HERC2: variants seen among roughly 807,000 people sequenced by gnomAD.
HERC2 encodes the protein E3 ubiquitin-protein ligase HERC2.
In HERC2, 102 loss-of-function variants were observed where a neutral mutation model predicts 537.7. The ratio of observed to expected loss-of-function variants is 0.19; its 90% CI spans 0.16 to 0.22. The LOEUF is 0.22. HERC2 is among the 10% of genes least tolerant of loss of function. The pLI is 1.00. For missense variants in HERC2, 4,236 were observed against 6,198.2 expected, an observed-to-expected ratio of 0.68 and a Z score of 10.63; for synonymous variants, 2,224 against 2,466.2, an observed-to-expected ratio of 0.90 and a Z score of 2.91.
chr15:28,130,066 C>T (rs1403180983), intron 83 of HERC2, 97 bp downstream of exon 83: 4 of 1,481,610 alleles, frequency 2.7e-6, no homozygotes, highest in Admixed American at 1.8e-5. Flanking sequence ...AGCCACCACA[C>T]CTGGCCTGTG....
In HERC2 at chr15:28,191,590, G is replaced by A. The variant is rs59214152; in HGVS notation, c.8452-346C>T. Among the ~76,000 whole-genome samples, 66 of 152,262 alleles carry A rather than the reference G, an allele frequency of 4.3e-4. 1 individual carries two copies. The East Asian group carries it at 0.011, about 25-fold the overall frequency. On this transcript the variant is annotated intron_variant, in intron 53 of 92. Coordinates refer to ENST00000261609, the MANE Select transcript of HERC2 (RefSeq NM_004667.6). ...GTGTGCCCACGAGGTGCCTCCACGC[G>A]TTGGTGTAATCACAACAGCACTCCA...
In HERC2 at chr15:28,273,807, C is replaced by A. The variant is rs1413790920; in HGVS notation, c.800+484G>T. ...TAAAAACCTTAACAAAAATGCATAG[C>A]ACCCAAGACCAGAGTTCATGTTTTT... On this transcript the variant is annotated intron_variant, in intron 7 of 92. Transcript: ENST00000261609. Among the ~76,000 whole-genome samples, 3 of 152,216 alleles carry A rather than the reference C, an allele frequency of 2.0e-5. No individual in the cohort carries two copies. In the East Asian group the frequency reaches 5.8e-4, roughly 29 times the overall value.
chr15:28,238,417 T>C (rs1243737988), intron 24 of HERC2, among the ~76,000 whole-genome samples, 185 bp downstream of exon 24: 3 of 152,130 alleles, frequency 2.0e-5, no homozygotes, highest in Non-Finnish European at 2.9e-5. Flanking sequence ...AAACAAAAAA[T>C]GCATAATCAA....
At chr15:28,270,950 A>G in intron 9 of HERC2, 82 bp from the exon 10 acceptor site, 1 of 1,203,874 alleles carries the variant, frequency 8.3e-7, no homozygotes, top group Non-Finnish European at 1.2e-6. Context: ...CACGCTTTAT[A>G]TTTTGGTATT....
chr15:28,254,652 C>T (rs1338875827), intron 19 of HERC2, 134 bp from the exon 20 acceptor site: 19 of 569,310 alleles, frequency 3.3e-5, no homozygotes, highest in Non-Finnish European at 4.8e-5. Flanking sequence ...TACCCACAGG[C>T]CCCCATCTGC....
At chr15:28,168,951 C>G (rs1304882766) in intron 66 of HERC2, among the ~76,000 whole-genome samples, 1 of 152,188 alleles carries the variant, frequency 6.6e-6, no homozygotes, top group African/African-American at 2.4e-5. Flanking sequence ...TTACTGAAAG[C>G]CACATACTGA....
intron 21 of HERC2, 111 bp downstream of exon 21, chr15:28,248,441 T>C: frequency 2.8e-6 from 2 of 723,610 alleles, no homozygotes; most frequent in Non-Finnish European, 4.5e-6. Context: ...AATTGGTGCA[T>C]TTAGTAGTAT....
At position 28,272,989 on chromosome 15, in the gene HERC2, C is replaced by T. The variant is rs766763181; in HGVS notation, c.816G>A (p.Thr272=). 19 of 1,612,186 alleles carry T rather than the reference C, an allele frequency of 1.2e-5. No homozygotes were observed. The highest frequency in any genetic ancestry group is 4.0e-5 in the African/African-American group (3 of 74,890). Residue 272 remains threonine, a synonymous_variant, in exon 8 of 93, where the codon ACG becomes ACA. Coordinates refer to ENST00000261609, the MANE Select transcript of HERC2 (RefSeq NM_004667.6). ...RSVVTGDVHG[T]PATKGPGSIP... Reference sequence around the variant, plus strand: ...TGCTTCCTGGCCCTTTGGTGGCTGGCGTTCCGTGAACATCCCTGAAATGAA... The same window carrying T: ...TGCTTCCTGGCCCTTTGGTGGCTGGTGTTCCGTGAACATCCCTGAAATGAA...
rs1328382031 is a variant in HERC2 at position 28,298,240 on chromosome 15, A to T, written c.187+1162T>A. Among the ~76,000 whole-genome samples, 6 of 140,116 alleles carry T rather than the reference A, an allele frequency of 4.3e-5. No individual in the cohort carries two copies. In the Admixed American group the frequency reaches 4.4e-4, roughly 10 times the overall value. The allele number at this position is 140,116 out of a possible 152,430, so 91.9% of individuals were successfully genotyped here. On this transcript the variant is annotated intron_variant, in intron 3 of 92. Transcript: ENST00000261609. ...ACAATATCTGCTCACTGCAACCTCC[A>T]CCTCCCGGCTCCAAGCAATTCTCCT...
In HERC2 at chr15:28,277,727, A is replaced by C. The variant is rs545623699; in HGVS notation, c.542+2341T>G. On this transcript the variant is annotated intron_variant, in intron 5 of 92. Coordinates refer to ENST00000261609, the MANE Select transcript of HERC2 (RefSeq NM_004667.6). ...ATCACAGCCGGTTAGGAAGGAAGAA[A>C]GAACCATGGCACTCCTATTACCAAA... Among the ~76,000 whole-genome samples, 505 of 152,328 alleles carry C rather than the reference A, an allele frequency of 3.3e-3. 3 individuals carry two copies. The highest frequency in any genetic ancestry group is 0.011 in the African/African-American group (475 of 41,574).
At chr15:28,253,834 C>T (rs1198140943) in intron 20 of HERC2, among the ~76,000 whole-genome samples, 5 of 151,592 alleles carry the variant, frequency 3.3e-5, no homozygotes, top group South Asian at 2.1e-4. Context: ...TGGTTGCGGA[C>T]GCCTGTAGTC....
Position 28,117,138 on chromosome 15 carries a change from C to G in HERC2, c.13289G>C (p.Ser4430Thr). Residue 4430 changes from serine to threonine, a missense_variant, in exon 87 of 93, where the codon AGC (serine) becomes ACC (threonine). This residue lies in a region of HERC2 where 29 missense variants were observed against 102.1 expected (regional missense o/e 0.28). Coordinates refer to ENST00000261609, the MANE Select transcript of HERC2 (RefSeq NM_004667.6). ...LNRIQVKRSR[S>T]KGGLAGPDGT... is the part of the protein sequence containing the mutation. ...GTCGGGGCCGGCCAGCCCGCCTTTG[C>G]TCCTTGATCGTTTGACCTGGAGAGG... The G allele has an allele frequency of 6.2e-7, 1 of 1,613,974 alleles. No homozygotes were observed. The highest frequency in any genetic ancestry group is 8.5e-7 in the Non-Finnish European group (1 of 1,180,002).
chr15:28,220,453 A>C lies in HERC2; in HGVS notation c.5844T>G (p.Ser1948=). Residue 1948 remains serine (S), a splice_region_variant and synonymous_variant, in exon 37 of 93, where the codon TCT becomes TCG. Transcript: ENST00000261609. Reference sequence around the variant, plus strand: ...TAAACACCTTCCTGAGTCACCCACCAGAGTCATCCTCTGTGTCCGAATCCT... The same window carrying C: ...TAAACACCTTCCTGAGTCACCCACCCGAGTCATCCTCTGTGTCCGAATCCT... ...SAEDSDTEDD[S]EAEQTERNIH... 1 of 1,607,048 alleles carries C rather than the reference A, an allele frequency of 6.2e-7. No homozygotes were observed. Among genetic ancestry groups the C allele is most frequent in the Non-Finnish European group, 8.5e-7 (1 of 1,179,712 alleles).
At chr15:28,147,942 G>C (rs769456249) in intron 70 of HERC2, among the ~76,000 whole-genome samples, 1 of 151,802 alleles carries the variant, frequency 6.6e-6, no homozygotes, top group African/African-American at 2.4e-5. Flanking sequence ...GAGGCTGATG[G>C]GGAAGGACGG....
chr15:28,160,889 CATTATTTTAAAT>C (rs1270613445), intron 69 of HERC2, among the ~76,000 whole-genome samples: 1 of 152,194 alleles, frequency 6.6e-6, no homozygotes, highest in Non-Finnish European at 1.5e-5. Flanking sequence ...CCCCGCTCAG[CATTATTTTAAAT>C]CAAAGTTCTC....
intron 20 of HERC2, among the ~76,000 whole-genome samples, chr15:28,250,511 G>A (rs1185591196): frequency 6.6e-6 from 1 of 152,124 alleles, no homozygotes; most frequent in Admixed American, 6.5e-5. Flanking sequence ...AATTCTGATG[G>A]GGTTCACTAC....
intron 55 of HERC2, among the ~76,000 whole-genome samples, chr15:28,188,609 C>T (rs1269906686): frequency 6.6e-6 from 1 of 151,458 alleles, no homozygotes; most frequent in Non-Finnish European, 1.5e-5. Context: ...TTTTGTTAAG[C>T]CCTGTCAGAG....
At chr15:28,226,718 A>C (rs1205555445) in intron 35 of HERC2, among the ~76,000 whole-genome samples, 1 of 152,268 alleles carries the variant, frequency 6.6e-6, no homozygotes, top group African/African-American at 2.4e-5. Flanking sequence ...ACGATATCAA[A>C]AGCATAGACG....
rs111485817 is a variant in HERC2 at position 28,242,153 on chromosome 15, G to A, written c.3578-3381C>T. On this transcript the variant is annotated intron_variant, in intron 23 of 92. Transcript: ENST00000261609. The stretch of plus-strand genomic sequence containing the variant: ...ACAGAAAGTAGAATGGTAGTTGCCA[G>A]GTGCTAGGGAAAATTGGTGTTTAAT... Among the ~76,000 whole-genome samples the A allele has an allele frequency of 7.7e-3, 1,174 of 152,308 alleles. 21 individuals are homozygous for A. The highest frequency in any genetic ancestry group is 0.027 in the African/African-American group (1,116 of 41,558).
Sources: gnomAD v4.1 joint callset for allele counts (sites outside exome capture counted in the v4.1 genomes callset) on GRCh38, gnomAD v4.1.1 for gene constraint, gnomAD v4.1.1 regional missense constraint, MANE v1.5 for transcripts, NCBI Gene and HGNC (gene_info 2026-07-23, HGNC 2026-07-21) for gene names.